The following PLA2G4E variants were observed in gnomAD, a reference collection of about 807,000 sequenced individuals.
The protein encoded by PLA2G4E is phospholipase A2 group IVE, also known as cytosolic phospholipase A2 epsilon.
A neutral mutation model predicts 109.1 loss-of-function variants in PLA2G4E; 84 were observed. The observed-to-expected ratio is 0.77, with a 90% CI of 0.65 to 0.92. The LOEUF (loss-of-function observed/expected upper bound fraction) is 0.92, where lower values mean the gene tolerates loss of function less well. PLA2G4E is among the 40% of genes least tolerant of loss of function. PLA2G4E has a pLI of 0.00. For missense variants in PLA2G4E, 1,057 were observed against 1,076.6 expected (o/e 0.98, Z 0.25); for synonymous variants, 469 against 436.1 (o/e 1.08, Z -0.94).
chr15:41,984,618 G>T (rs754571443), exon 19 of PLA2G4E: 4 of 1,600,164 alleles, frequency 2.5e-6, no homozygotes, highest in Non-Finnish European at 3.4e-6. Context: ...TTGTTTCAGG[G>T]GCTGGAACAG....
At chr15:41,993,060 A>G in intron 12 of PLA2G4E, 101 bp from the exon 13 acceptor site, 1 of 1,054,354 alleles carries the variant, frequency 9.5e-7, no homozygotes. Flanking sequence ...TGAGAACCCT[A>G]ACCTGCCAGG....
intron 13 of PLA2G4E, among the ~76,000 whole-genome samples, chr15:41,991,334 G>A (rs1265055344): frequency 1.3e-5 from 2 of 152,208 alleles, no homozygotes; most frequent in Admixed American, 1.3e-4. Context: ...CGGCACTCAT[G>A]ATTGTTACAA....
intron 1 of PLA2G4E, among the ~76,000 whole-genome samples, chr15:42,046,572 G>A (rs1466652328): frequency 6.6e-6 from 1 of 152,200 alleles, no homozygotes; most frequent in Non-Finnish European, 1.5e-5. Flanking sequence ...GTCACTCGCT[G>A]TCACATTTTG....
intron 1 of PLA2G4E, among the ~76,000 whole-genome samples, chr15:42,022,491 A>C (rs1311392431): frequency 6.6e-6 from 1 of 151,964 alleles, no homozygotes; most frequent in African/African-American, 2.4e-5. Flanking sequence ...ATCAGTGGGA[A>C]CCCTGAGCTT....
chr15:42,034,243 A>G (rs1171184807), intron 1 of PLA2G4E, among the ~76,000 whole-genome samples: 1 of 152,218 alleles, frequency 6.6e-6, no homozygotes, highest in Non-Finnish European at 1.5e-5. Context: ...CCTTGAAAGT[A>G]TTTTTGGAAG....
intron 10 of PLA2G4E, 139 bp from the exon 11 acceptor site, chr15:41,997,398 C>G (rs997639860): frequency 1.0e-6 from 1 of 999,520 alleles, no homozygotes; most frequent in Admixed American, 3.4e-5. Context: ...CTCCACTTTC[C>G]CATCTGTAAA....
At position 42,007,880 on chromosome 15, in the gene PLA2G4E, T is replaced by C. The variant is rs777623458; in HGVS notation, c.257-15A>G. On this transcript the variant is annotated splice_polypyrimidine_tract_variant and intron_variant, in intron 2 of 19. Transcript: ENST00000399518. Reference sequence around the variant, plus strand: ...TGTCTGGCTCACTGTCCAAGAAAGATAAGTGGAACCAATCCAGGTTCAGAG... The same window carrying C: ...TGTCTGGCTCACTGTCCAAGAAAGACAAGTGGAACCAATCCAGGTTCAGAG... 11 of 1,592,746 alleles carry C rather than the reference T, an allele frequency of 6.9e-6. No homozygotes were observed. In the South Asian group the frequency reaches 1.3e-4, roughly 18 times the overall value.
At chr15:42,005,587 G>A (rs1401880667) in intron 4 of PLA2G4E, among the ~76,000 whole-genome samples, 4 of 152,220 alleles carry the variant, frequency 2.6e-5, no homozygotes, top group East Asian at 1.9e-4. Flanking sequence ...CTGCAGATTC[G>A]CCCACCTTTA....
At chr15:41,999,990 C>G in exon 9 of PLA2G4E, 1 of 1,608,138 alleles carries the variant, frequency 6.2e-7, no homozygotes. Flanking sequence ...CTTGCGAGAG[C>G]GGCAGCAAAG....
At chr15:41,983,702 C>T in exon 20 of PLA2G4E, 2 of 1,487,436 alleles carry the variant, frequency 1.3e-6, no homozygotes, top group South Asian at 1.2e-5. Context: ...CTGAGGGGTC[C>T]TGCACCTCTG....
At chr15:42,026,097 T>G (rs2068690950) in intron 1 of PLA2G4E, among the ~76,000 whole-genome samples, 1 of 152,090 alleles carries the variant, frequency 6.6e-6, no homozygotes, top group South Asian at 2.1e-4. Context: ...CTACAATAGA[T>G]CTCACGTTTC....
Position 42,040,161 on chromosome 15 carries a change from C to T in PLA2G4E, c.183+10360G>A, listed in dbSNP as rs77971742. ...GACCAGTTTGGGTAACATAGTGAGA[C>T]CCCCTCCATCATTCTACAAAACTTT... On this transcript the variant is annotated intron_variant, in intron 1 of 19. Coordinates refer to ENST00000399518, the Ensembl canonical transcript of PLA2G4E. 9.7e-3 allele frequency among the ~76,000 whole-genome samples: 1,478 copies of T among 151,780 alleles called. 24 individuals carry two copies. The highest frequency in any genetic ancestry group is 0.034 in the African/African-American group (1,391 of 41,348).
At chr15:42,037,221 G>C (rs1436586484) in intron 1 of PLA2G4E, among the ~76,000 whole-genome samples, 2 of 152,210 alleles carry the variant, frequency 1.3e-5, no homozygotes, top group African/African-American at 4.8e-5. Context: ...CCCTGGTGAG[G>C]CCCCACCTTC....
intron 1 of PLA2G4E, among the ~76,000 whole-genome samples, chr15:42,044,781 T>C (rs1227556674): frequency 1.4e-5 from 2 of 143,202 alleles, no homozygotes; most frequent in Non-Finnish European, 3.1e-5. Flanking sequence ...ACTTAAAGTA[T>C]AATAAAAAAA....
chr15:41,990,213 T>A (rs747851673), exon 14 of PLA2G4E: 1 of 1,613,722 alleles, frequency 6.2e-7, no homozygotes, highest in South Asian at 1.1e-5. Flanking sequence ...AGCACGCTGA[T>A]CTGACAGTTT....
At chr15:41,997,035 T>C (rs1201859805) in intron 11 of PLA2G4E, 89 bp downstream of exon 11, 1 of 1,414,238 alleles carries the variant, frequency 7.1e-7, no homozygotes, top group African/African-American at 1.5e-5. Flanking sequence ...AGGTGGCGCC[T>C]GGGGTAGGGC....
At chr15:42,042,095 A>G (rs1473062868) in intron 1 of PLA2G4E, among the ~76,000 whole-genome samples, 2 of 152,216 alleles carry the variant, frequency 1.3e-5, no homozygotes, top group East Asian at 3.8e-4. Context: ...AGCACACTCC[A>G]AATGGTCATA....
intron 6 of PLA2G4E, 21 bp from the exon 7 acceptor site, chr15:42,001,241 T>G (rs2068416448): frequency 6.2e-7 from 1 of 1,600,654 alleles, no homozygotes; most frequent in African/African-American, 1.3e-5. Flanking sequence ...CAAAGGAGGG[T>G]CACAGAGTGT....
chr15:42,003,875 C>G (rs2068445575), intron 5 of PLA2G4E, among the ~76,000 whole-genome samples: 1 of 112,306 alleles, frequency 8.9e-6, no homozygotes, highest in African/African-American at 2.6e-5. Flanking sequence ...TTCTTTCTTT[C>G]TTTCTTCCTT....
Sources: gnomAD v4.1 joint callset for allele counts (sites outside exome capture counted in the v4.1 genomes callset) on GRCh38, gnomAD v4.1.1 for gene constraint, MANE v1.5 for transcripts, NCBI Gene and HGNC (gene_info 2026-07-23, HGNC 2026-07-21) for gene names.